Variants in ZFAT observed in about 807,000 individuals in gnomAD.
ZFAT encodes zinc finger and AT-hook domain containing, also known as zinc finger protein ZFAT.
In ZFAT, 64 loss-of-function variants were observed where a neutral mutation model predicts 117.7. That is an observed-to-expected ratio of 0.54 (90% CI 0.44 to 0.67). ZFAT has a LOEUF of 0.67. Ranked by LOEUF, ZFAT falls within the 30% of genes least tolerant of loss-of-function variation. The probability of loss-of-function intolerance (pLI) is 0.00; values close to 1 mark genes in which losing one functional copy is unlikely to be tolerated. For missense variants in ZFAT, 1,433 were observed against 1,584.5 expected (o/e 0.90, Z 1.62); for synonymous variants, 679 against 615.0 (o/e 1.10, Z -1.54).
the ZFAT span, among the ~76,000 whole-genome samples, chr8:134,814,637 A>G: frequency 6.6e-6 from 1 of 152,208 alleles, no homozygotes; most frequent in Non-Finnish European, 1.5e-5. Flanking sequence ...TCTGTATGTA[A>G]ACAGACTCTA....
At chr8:134,713,605 CACA>C (rs369214802), upstream of ZFAT, among the ~76,000 whole-genome samples, 231 of 152,250 alleles carry the variant, frequency 1.5e-3, 1 homozygote, top group African/African-American at 5.3e-3. Flanking sequence ...CTTTTTGTCC[CACA>C]ACAAGTCTGC....
At chr8:134,681,065 G>A (rs1023634856) in intron 1 of ZFAT, among the ~76,000 whole-genome samples, 1 of 152,216 alleles carries the variant, frequency 6.6e-6, no homozygotes, top group African/African-American at 2.4e-5. Flanking sequence ...CATGAGCCCA[G>A]TCAGTCCCAA....
At chr8:134,744,727 C>CTTTTTTTTTT in the ZFAT span, among the ~76,000 whole-genome samples, 2 of 103,518 alleles carry the variant, frequency 1.9e-5, no homozygotes, top group African/African-American at 7.6e-5. Flanking sequence ...GCCTACTCTC[C>CTTTTTTTTTT]TTTTTTTTTT....
chr8:134,726,606 T>C, the ZFAT span, among the ~76,000 whole-genome samples: 11 of 152,022 alleles, frequency 7.2e-5, no homozygotes, highest in South Asian at 2.3e-3. Flanking sequence ...TTTGGAGGGT[T>C]TTCTTTGAGA....
At chr8:134,734,712 G>A in the ZFAT span, among the ~76,000 whole-genome samples, 5 of 152,348 alleles carry the variant, frequency 3.3e-5, no homozygotes, top group South Asian at 6.2e-4. Flanking sequence ...AACTGGACCA[G>A]AGGGGCGGCA....
At chr8:134,560,669 G>T (rs1290412634) in intron 11 of ZFAT, among the ~76,000 whole-genome samples, 1 of 152,084 alleles carries the variant, frequency 6.6e-6, no homozygotes, top group African/African-American at 2.4e-5. Context: ...CTAGATGGAA[G>T]GATTTGGAAG....
intron 1 of ZFAT, among the ~76,000 whole-genome samples, chr8:134,668,305 C>T (rs1832352614): frequency 6.6e-6 from 1 of 152,150 alleles, no homozygotes; most frequent in Non-Finnish European, 1.5e-5. Context: ...CGGACAGACC[C>T]TCAAGTGGGT....
At chr8:134,552,901 A>G (rs1212743122) in intron 11 of ZFAT, among the ~76,000 whole-genome samples, 6 of 152,238 alleles carry the variant, frequency 3.9e-5, no homozygotes, top group African/African-American at 9.6e-5. Context: ...CCAAATTTTG[A>G]CATGCTTTCC....
At chr8:134,747,544 G>C in the ZFAT span, among the ~76,000 whole-genome samples, 6 of 152,220 alleles carry the variant, frequency 3.9e-5, no homozygotes, top group South Asian at 1.2e-3. Context: ...AATCAGCAAG[G>C]TCCTAACAAT....
At chr8:134,508,471 A>T (rs1223873167) in intron 15 of ZFAT, among the ~76,000 whole-genome samples, 1 of 152,236 alleles carries the variant, frequency 6.6e-6, no homozygotes, top group Non-Finnish European at 1.5e-5. Context: ...CAATTCAGTA[A>T]CAAATTTAGT....
chr8:134,805,246 TAA>T, the ZFAT span, among the ~76,000 whole-genome samples: 3 of 144,248 alleles, frequency 2.1e-5, no homozygotes, highest in Non-Finnish European at 3.0e-5. Context: ...TATGCAAAAA[TAA>T]GTTTTCTTCT....
chr8:134,521,657 T>C (rs1201527589), intron 12 of ZFAT, among the ~76,000 whole-genome samples: 1 of 148,452 alleles, frequency 6.7e-6, no homozygotes. Context: ...AACTGGAGAG[T>C]CACACAAAAG....
the ZFAT span, among the ~76,000 whole-genome samples, chr8:134,773,998 T>C: frequency 7.1e-6 from 1 of 140,284 alleles, no homozygotes; most frequent in Non-Finnish European, 1.5e-5. Context: ...TTTTTTTTTT[T>C]TTTTTTTTTT....
At chr8:134,499,202 G>A (rs1818744254) in intron 15 of ZFAT, among the ~76,000 whole-genome samples, 1 of 137,336 alleles carries the variant, frequency 7.3e-6, no homozygotes, top group Non-Finnish European at 1.6e-5. Flanking sequence ...TGATTTGGGA[G>A]GGTTGGGGTG....
At chr8:134,605,230 G>A (rs1277905988) in intron 5 of ZFAT, among the ~76,000 whole-genome samples, 2 of 152,202 alleles carry the variant, frequency 1.3e-5, no homozygotes. Flanking sequence ...CCTCCTCAGA[G>A]AGGTACTCTC....
chr8:134,531,410 G>C (rs1371604912), intron 12 of ZFAT, among the ~76,000 whole-genome samples: 3 of 152,292 alleles, frequency 2.0e-5, no homozygotes, highest in African/African-American at 7.2e-5. Context: ...GCATTGGCGT[G>C]GGTCATAAAA....
chr8:134,568,353 A>G (rs1402351914), intron 10 of ZFAT, among the ~76,000 whole-genome samples: 1 of 152,162 alleles, frequency 6.6e-6, no homozygotes, highest in Non-Finnish European at 1.5e-5. Flanking sequence ...ACAGGGCCAC[A>G]CATTTCTACA....
At position 134,565,180 on chromosome 8, in the gene ZFAT, C is replaced by G. The variant is rs748443128; in HGVS notation, c.2976+153G>C. On this transcript the variant is annotated intron_variant, in intron 11 of 15. Transcript: ENST00000377838. ...GGAACGAGAGAGCACAAATAAGCTG[C>G]ACTATGCCTCAGACTCCACGTGTAC... 7.4e-5 allele frequency: 114 copies of G among 1,534,910 alleles called. 2 individuals carry two copies. The South Asian group carries it at 1.4e-3, about 18-fold the overall frequency.
chr8:134,501,743 G>T (rs906762394), intron 15 of ZFAT, among the ~76,000 whole-genome samples: 16 of 152,238 alleles, frequency 1.1e-4, no homozygotes, highest in Non-Finnish European at 2.2e-4. Flanking sequence ...TGAGAATTGT[G>T]TTGAAGTTAG....
Sources: allele counts gnomAD v4.1 joint callset (sites outside exome capture counted in the v4.1 genomes callset), GRCh38; gene constraint gnomAD v4.1.1; transcripts MANE v1.5; gene names NCBI Gene and HGNC (gene_info 2026-07-23, HGNC 2026-07-21).